Variants in FBXL13 observed in about 807,000 individuals in gnomAD.
FBXL13 encodes F-box and leucine-rich repeat protein 13.
Under a neutral mutation model 83.6 loss-of-function variants are expected in FBXL13, and 67 were observed. That is an observed-to-expected ratio of 0.80 (90% CI 0.66 to 0.98). The LOEUF (loss-of-function observed/expected upper bound fraction) is 0.98. Among genes scored for constraint, FBXL13 ranks in the 50% least tolerant of loss-of-function variants. The probability of loss-of-function intolerance (pLI) is 0.00; values close to 1 mark genes in which losing one functional copy is unlikely to be tolerated. For synonymous variants in FBXL13, 272 were observed against 299.5 expected (o/e 0.91, Z 0.95); for missense variants, 822 against 866.5 (o/e 0.95, Z 0.64).
intron 17 of FBXL13, among the ~76,000 whole-genome samples, chr7:102,851,442 T>TCCTTCCTTCCTTCCCTCCCTCCCTC (rs1805212318): frequency 6.7e-6 from 1 of 149,324 alleles, no homozygotes; most frequent in Non-Finnish European, 1.5e-5. Context: ...CTTTCTTCCC[T>TCCTTCCTTCCTTCCCTCCCTCCCTC]CCTTCCTTCC....
At chr7:102,939,166 C>T (rs1276911607) in intron 8 of FBXL13, among the ~76,000 whole-genome samples, 2 of 152,168 alleles carry the variant, frequency 1.3e-5, no homozygotes, top group African/African-American at 4.8e-5. Flanking sequence ...ACAAGGATGA[C>T]CTACAGGTCT....
chr7:102,827,443 T>G (rs1416309375), intron 18 of FBXL13, among the ~76,000 whole-genome samples: 1 of 152,010 alleles, frequency 6.6e-6, no homozygotes, highest in East Asian at 1.9e-4. Context: ...AGTTTGAGAG[T>G]GACTGGTTAC....
intron 6 of FBXL13, chr7:102,978,534 G>A (rs1323442662): frequency 1.3e-5 from 2 of 155,142 alleles, no homozygotes; most frequent in African/African-American, 4.8e-5. Context: ...CCACATAGCA[G>A]TTACATCAGA....
chr7:102,913,144 A>G, exon 11 of FBXL13: 2 of 1,614,226 alleles, frequency 1.2e-6, no homozygotes, highest in Non-Finnish European at 1.7e-6. Context: ...CCCCAAGTTC[A>G]GGTACTGTAA....
At chr7:103,015,974 C>A (rs1425169694) in intron 6 of FBXL13, among the ~76,000 whole-genome samples, 1 of 151,954 alleles carries the variant, frequency 6.6e-6, no homozygotes, top group Admixed American at 6.6e-5. Flanking sequence ...ACCTCTACAA[C>A]AAGATTTACA....
At chr7:103,051,943 T>C (rs1796859428) in intron 2 of FBXL13, among the ~76,000 whole-genome samples, 1 of 152,206 alleles carries the variant, frequency 6.6e-6, no homozygotes, top group African/African-American at 2.4e-5. Flanking sequence ...TTCAATCTTG[T>C]CTACCTATTA....
At chr7:103,040,603 A>G (rs1795568339) in intron 2 of FBXL13, among the ~76,000 whole-genome samples, 1 of 152,240 alleles carries the variant, frequency 6.6e-6, no homozygotes, top group Admixed American at 6.5e-5. Flanking sequence ...ATGTAAAAGA[A>G]CAGAAATCAC....
At chr7:103,041,342 C>T (rs1456717756) in intron 2 of FBXL13, among the ~76,000 whole-genome samples, 1 of 152,080 alleles carries the variant, frequency 6.6e-6, no homozygotes, top group African/African-American at 2.4e-5. Context: ...AGCCTACCAA[C>T]CAAAAAAAGA....
intron 17 of FBXL13, among the ~76,000 whole-genome samples, chr7:102,833,227 T>G (rs77848604): frequency 0.011 from 1,655 of 152,236 alleles, 36 homozygotes; most frequent in African/African-American, 0.038. Flanking sequence ...TGAAGTTAGG[T>G]CTAATGAAGT....
rs1251074771 is a variant in FBXL13, at chr7:102,962,764, T to A, written c.724+769A>T. Among the ~76,000 whole-genome samples the A allele has an allele frequency of 3.5e-5, 5 of 142,734 alleles. No individual in the cohort carries two copies. In the Admixed American group the frequency reaches 3.8e-4, roughly 11 times the overall value. The allele number at this position is 142,734 out of a possible 152,430, so 93.6% of individuals were successfully genotyped here. On this transcript the variant is annotated intron_variant, in intron 8 of 19. Transcript: ENST00000313221. ...ACCAAACACCACATATTCTCACTCA[T>A]AGGTGGGAACTGAACAATGAGATCA...
At chr7:102,871,509 C>T (rs988706481) in intron 16 of FBXL13, among the ~76,000 whole-genome samples, 1 of 152,024 alleles carries the variant, frequency 6.6e-6, no homozygotes, top group African/African-American at 2.4e-5. Flanking sequence ...CCTCAGCCCC[C>T]CAGGTAGCTG....
At position 102,992,120 on chromosome 7, in the gene FBXL13, C is replaced by T. The variant is rs1431974953; in HGVS notation, c.496-24003G>A. ...TCTACCTCCAGACTTCATCCAACCC[C>T]CTTGACCCACCCAAGGCAGGGGGAG... On this transcript the variant is annotated intron_variant, in intron 6 of 19. Coordinates refer to ENST00000313221, the Ensembl canonical transcript of FBXL13. Among the ~76,000 whole-genome samples the T allele has an allele frequency of 8.5e-5, 13 of 152,248 alleles. No homozygotes were observed. In the East Asian group the frequency reaches 2.5e-3, roughly 29 times the overall value.
intron 2 of FBXL13, among the ~76,000 whole-genome samples, chr7:103,039,819 G>A (rs1280053747): frequency 6.6e-6 from 1 of 151,920 alleles, no homozygotes; most frequent in Non-Finnish European, 1.5e-5. Flanking sequence ...AAGAGCTCCT[G>A]GTGGAAGCAC....
rs562935218 is a variant in FBXL13, at chr7:102,920,770, G to A, written c.878+5504C>T. On this transcript the variant is annotated intron_variant, in intron 10 of 19. Coordinates refer to ENST00000313221, the Ensembl canonical transcript of FBXL13. ...ATATAAAAGATAAACCTAAAATCCC[G>A]CATCACAAAGGTTAAAAATACAGAG... Among the ~76,000 whole-genome samples, 180 of 152,190 alleles carry A rather than the reference G, an allele frequency of 1.2e-3. 1 individual carries two copies. Among genetic ancestry groups the A allele is most frequent in the Admixed American group, 3.0e-3 (46 of 15,298 alleles).
chr7:102,819,240 G>T lies in FBXL13; in HGVS notation c.2018+2800C>A, dbSNP rs115311604. On this transcript the variant is annotated intron_variant, in intron 19 of 19. Coordinates refer to ENST00000313221, the Ensembl canonical transcript of FBXL13. Reference sequence around the variant, plus strand: ...AGTTGAATGGCTGGCTGTCACAGCTGCTTCAAATACAAATAGCTTGTCGTT... The same window carrying T: ...AGTTGAATGGCTGGCTGTCACAGCTTCTTCAAATACAAATAGCTTGTCGTT... Among the ~76,000 whole-genome samples the T allele has an allele frequency of 7.1e-3, 1,084 of 152,162 alleles. 18 individuals are homozygous for T. The highest frequency in any genetic ancestry group is 0.025 in the African/African-American group (1,030 of 41,484).
In FBXL13 at chr7:102,932,084, G is replaced by C. The variant is rs1467819467; in HGVS notation, c.725-151C>G. ...TCTAAGTATATGGTTTCTTTCCCCA[G>C]AAAAATGGCTTTTTTGGGCTTCAGA... On this transcript the variant is annotated intron_variant, in intron 8 of 19. Transcript: ENST00000313221. 6.3e-6 allele frequency: 4 copies of C among 632,642 alleles called. No homozygotes were observed. In the African/African-American group the frequency reaches 7.4e-5, roughly 12 times the overall value. The allele number at this position is 632,642 out of a possible 1,614,324, so 39.2% of individuals were successfully genotyped here.
intron 11 of FBXL13, among the ~76,000 whole-genome samples, chr7:102,894,141 C>T (rs1027499321): frequency 2.0e-5 from 3 of 152,142 alleles, no homozygotes; most frequent in Non-Finnish European, 4.4e-5. Context: ...CTCCAACCTC[C>T]AACACAAATC....
chr7:103,055,583 G>A (rs1797253570), intron 2 of FBXL13, 61 bp downstream of exon 2: 2 of 671,994 alleles, frequency 3.0e-6, no homozygotes, highest in Non-Finnish European at 4.4e-6. Flanking sequence ...TTGTTACTAT[G>A]CAATAAAAGT....
At chr7:102,952,578 C>T (rs1823585727) in intron 8 of FBXL13, among the ~76,000 whole-genome samples, 1 of 152,102 alleles carries the variant, frequency 6.6e-6, no homozygotes, top group South Asian at 2.1e-4. Flanking sequence ...AGATAAACTG[C>T]ATGGAATTGA....
Sources: gnomAD v4.1 joint callset for allele counts (sites outside exome capture counted in the v4.1 genomes callset) on GRCh38, gnomAD v4.1.1 for gene constraint, MANE v1.5 for transcripts, NCBI Gene and HGNC (gene_info 2026-07-23, HGNC 2026-07-21) for gene names.